Variants in DRC1 observed in about 807,000 individuals in gnomAD.
The protein encoded by DRC1 is dynein regulatory complex subunit 1, also known as dynein regulatory complex protein 1.
Under a neutral mutation model 98.7 loss-of-function variants are expected in DRC1, and 74 were observed. The observed-to-expected ratio is 0.75, with a 90% CI of 0.62 to 0.91. The LOEUF (loss-of-function observed/expected upper bound fraction) is 0.91. Ranked by LOEUF, DRC1 falls within the 40% of genes least tolerant of loss-of-function variation. The probability of loss-of-function intolerance (pLI) is 0.00; values close to 1 mark genes in which losing one functional copy is unlikely to be tolerated. For missense variants in DRC1, 875 were observed against 886.0 expected, an observed-to-expected ratio of 0.99 and a Z score of 0.16; for synonymous variants, 336 against 334.1, an observed-to-expected ratio of 1.01 and a Z score of -0.06.
intron 3 of DRC1, among the ~76,000 whole-genome samples, chr2:26,421,657 T>A (rs900816097): frequency 6.6e-6 from 1 of 150,402 alleles, no homozygotes; most frequent in African/African-American, 2.4e-5. Flanking sequence ...ACCTCCCAGG[T>A]TCAAGTGATT....
At chr2:26,422,714 A>C (rs959321224) in intron 3 of DRC1, among the ~76,000 whole-genome samples, 1 of 152,074 alleles carries the variant, frequency 6.6e-6, no homozygotes, top group African/African-American at 2.4e-5. Context: ...TCAGGAGTTC[A>C]AGACCAGCTT....
chr2:26,417,368 A>T (rs1678844328), intron 2 of DRC1, among the ~76,000 whole-genome samples: 1 of 146,654 alleles, frequency 6.8e-6, no homozygotes, highest in South Asian at 2.1e-4. Context: ...TCGTTCTGTC[A>T]TCCAGGCTGG....
At chr2:26,441,689 A>G (rs1663721084) in intron 8 of DRC1, among the ~76,000 whole-genome samples, 1 of 152,160 alleles carries the variant, frequency 6.6e-6, no homozygotes, top group Non-Finnish European at 1.5e-5. Context: ...TAGGATTCAG[A>G]AAGTCACACA....
chr2:26,414,734 C>T (rs1678740449), intron 2 of DRC1, among the ~76,000 whole-genome samples: 1 of 152,170 alleles, frequency 6.6e-6, no homozygotes, highest in Non-Finnish European at 1.5e-5. Context: ...CTTCACTTTC[C>T]AAACATATCT....
intron 4 of DRC1, among the ~76,000 whole-genome samples, chr2:26,425,282 A>C (rs1051997237): frequency 6.6e-6 from 1 of 152,190 alleles, no homozygotes; most frequent in Non-Finnish European, 1.5e-5. Context: ...GTAGTATTTC[A>C]TTGCATATAT....
chr2:26,408,917 A>T (rs536709922), intron 1 of DRC1, among the ~76,000 whole-genome samples: 3 of 152,112 alleles, frequency 2.0e-5, no homozygotes, highest in Non-Finnish European at 2.9e-5. Context: ...TTTAAAAAAA[A>T]TTTATTTTTA....
intron 8 of DRC1, among the ~76,000 whole-genome samples, chr2:26,443,893 G>A (rs780205353): frequency 2.6e-5 from 4 of 152,098 alleles, no homozygotes; most frequent in Non-Finnish European, 5.9e-5. Context: ...AAATATGTGA[G>A]GCTGGCCCTA....
intron 1 of DRC1, among the ~76,000 whole-genome samples, chr2:26,406,726 G>T (rs576303465): frequency 1.3e-4 from 20 of 149,960 alleles, no homozygotes; most frequent in African/African-American, 4.6e-4. Flanking sequence ...AAACCAAAAA[G>T]AATAGGAATA....
chr2:26,415,318 A>C (rs779183215), intron 2 of DRC1, among the ~76,000 whole-genome samples: 16 of 152,208 alleles, frequency 1.1e-4, no homozygotes, highest in Non-Finnish European at 2.1e-4. Flanking sequence ...TCAGATATGG[A>C]GAGGAACTCA....
In DRC1 at chr2:26,454,881, A is replaced by G; in HGVS notation, c.2063+91A>G. ...GCCGCGTTTGCTGCCTCCCTGTCCC[A>G]CTGAACCTGGGAGGGAAGAGCTGCC... On this transcript the variant is annotated intron_variant, in intron 15 of 16. Coordinates refer to ENST00000288710, the MANE Select transcript of DRC1 (RefSeq NM_145038.5). The surrounding 1 kb of genome is among the most constrained non-coding windows in gnomAD (Gnocchi z 5.2). The G allele has an allele frequency of 6.3e-7, 1 of 1,583,928 alleles. No individual in the cohort carries two copies. Among genetic ancestry groups the G allele is most frequent in the South Asian group, 1.2e-5 (1 of 86,424 alleles).
intron 1 of DRC1, among the ~76,000 whole-genome samples, chr2:26,413,369 A>G (rs1678683217): frequency 6.6e-6 from 1 of 152,222 alleles, no homozygotes; most frequent in Non-Finnish European, 1.5e-5. Context: ...TTCCTAAAGA[A>G]AGGATTGTTG....
In DRC1 at chr2:26,456,577, C is replaced by T; in HGVS notation, c.*60C>T. 3.1e-6 allele frequency: 5 copies of T among 1,602,086 alleles called. No homozygotes were observed. The highest frequency in any genetic ancestry group is 4.3e-6 in the Non-Finnish European group (5 of 1,169,924). On this transcript the variant is annotated 3_prime_UTR_variant, in exon 17 of 17. Coordinates refer to ENST00000288710, the MANE Select transcript of DRC1 (RefSeq NM_145038.5). The stretch of plus-strand genomic sequence containing the variant: ...CCTGATGCTGGTGTCTGTGCCGGAG[C>T]CAGCTCATATCACCCACTGGGCCGC...
At chr2:26,402,189 G>A in intron 1 of DRC1, 45 bp downstream of exon 1, 1 of 1,519,022 alleles carries the variant, frequency 6.6e-7, no homozygotes, top group South Asian at 1.3e-5. Context: ...CGCAGGAGCC[G>A]GAGAAGGGCT....
At chr2:26,413,007 C>T (rs1313256314) in intron 1 of DRC1, among the ~76,000 whole-genome samples, 5 of 152,234 alleles carry the variant, frequency 3.3e-5, no homozygotes, top group Non-Finnish European at 7.3e-5. Context: ...TAGTCTCGAT[C>T]TCCTGACCTC....
At chr2:26,421,134 G>A in intron 2 of DRC1, 154 bp from the exon 3 acceptor site, 1 of 551,608 alleles carries the variant, frequency 1.8e-6, no homozygotes, top group Non-Finnish European at 3.2e-6. Flanking sequence ...GAAAAGGGTT[G>A]CTACACAGAG....
At chr2:26,450,854 T>C (rs970149750) in intron 13 of DRC1, among the ~76,000 whole-genome samples, 173 bp downstream of exon 13, 1 of 152,264 alleles carries the variant, frequency 6.6e-6, no homozygotes, top group African/African-American at 2.4e-5. Flanking sequence ...ACATTAGGTA[T>C]TTCTCCTAAT....
intron 1 of DRC1, among the ~76,000 whole-genome samples, chr2:26,403,568 G>C (rs1372643394): frequency 3.9e-5 from 6 of 152,114 alleles, no homozygotes; most frequent in Non-Finnish European, 8.8e-5. Context: ...GCCAAGGCAG[G>C]AGGATCACCT....
chr2:26,421,548 T>C, intron 3 of DRC1, 148 bp downstream of exon 3: 2 of 438,314 alleles, frequency 4.6e-6, no homozygotes, highest in Admixed American at 8.3e-5. Context: ...CCTCCTCTTC[T>C]TTCTCTCTCT....
At chr2:26,417,365 G>A (rs2147982075) in intron 2 of DRC1, among the ~76,000 whole-genome samples, 1 of 145,746 alleles carries the variant, frequency 6.9e-6, no homozygotes, top group East Asian at 2.0e-4. Context: ...GCCTCGTTCT[G>A]TCATCCAGGC....
Sources: allele counts gnomAD v4.1 joint callset (sites outside exome capture counted in the v4.1 genomes callset), GRCh38; gene constraint gnomAD v4.1.1; non-coding constraint Gnocchi (gnomAD v3.1); transcripts MANE v1.5; gene names NCBI Gene and HGNC (gene_info 2026-07-23, HGNC 2026-07-21).